Variants in KCNA4 observed in about 807,000 individuals in gnomAD.
KCNA4 encodes cardiac potassium channel.
In KCNA4, 5 loss-of-function variants were observed where a neutral mutation model predicts 37.2. The ratio of observed to expected loss-of-function variants is 0.13; its 90% CI spans 0.07 to 0.28. KCNA4 has a LOEUF of 0.28. Among genes scored for constraint, KCNA4 ranks in the 10% least tolerant of loss-of-function variants. The pLI is 1.00. For missense variants in KCNA4, 634 were observed against 817.4 expected, an observed-to-expected ratio of 0.78 and a Z score of 2.74; for synonymous variants, 350 against 311.8, an observed-to-expected ratio of 1.12 and a Z score of -1.29.
Position 30,011,748 on chromosome 11 carries a change from T to C in KCNA4, c.931A>G (p.Ile311Val). Reference protein sequence around the residue: ...ESSSPARGIAIVSVLVILISI... With the variant: ...ESSSPARGIAVVSVLVILISI... ...ATTAAGATGACCAGGACGGACACAATGGCTATGCCCCTTGCAGGACTGGAG... is the reference window on the plus strand; with the variant it reads ...ATTAAGATGACCAGGACGGACACAACGGCTATGCCCCTTGCAGGACTGGAG... Residue 311 changes from isoleucine (I) to valine (V), a missense_variant, in exon 2 of 2, where the codon ATT becomes GTT. By Grantham distance (29) the Ile-to-Val change is conservative. This residue lies in a region of KCNA4 where 252 missense variants were observed against 344.2 expected (regional missense o/e 0.73). Transcript: ENST00000328224. This position sits in a 1 kb window ranked among gnomAD's most constrained non-coding sequence, Gnocchi z 5.6. 2 of 1,614,016 alleles carry C rather than the reference T, an allele frequency of 1.2e-6. No individual in the cohort carries two copies. The highest frequency in any genetic ancestry group is 1.7e-6 in the Non-Finnish European group (2 of 1,180,016).
Position 30,012,272 on chromosome 11 carries a change from T to G in KCNA4, c.407A>C (p.Glu136Ala), listed in dbSNP as rs781591836. Residue 136 changes from glutamate (E) to alanine (A), a missense_variant, in exon 2 of 2, where the codon GAG (glutamate) becomes GCG (alanine). Around this residue, in one of 8 missense-constraint regions of KCNA4, gnomAD observed 236 missense variants for 229.5 expected, o/e 1.03. Coordinates refer to ENST00000328224, the MANE Select transcript of KCNA4 (RefSeq NM_002233.4). Reference sequence around the variant, plus strand: ...TTCACTATAGTAAAACCTTCCCTCCTCTTCCTCCTCTTCCTCCTCCTCCTC... The same window carrying G: ...TTCACTATAGTAAAACCTTCCCTCCGCTTCCTCCTCTTCCTCCTCCTCCTC... ...EDEEEEEEEE[E>A]EGRFYYSEDD... 1.9e-6 allele frequency: 3 copies of G among 1,613,630 alleles called. No homozygotes were observed. The highest frequency in any genetic ancestry group is 2.5e-6 in the Non-Finnish European group (3 of 1,179,956).
At position 30,012,212 on chromosome 11, in the gene KCNA4, A is replaced by G; in HGVS notation, c.467T>C (p.Leu156Pro). The G allele has an allele frequency of 6.2e-7, 1 of 1,614,172 alleles. No individual in the cohort carries two copies. The highest frequency in any genetic ancestry group is 8.5e-7 in the Non-Finnish European group (1 of 1,180,038). The change falls in exon 2 of 2, where the codon CTG becomes CCG. Residue 156 changes from leucine to proline, a missense_variant. Physicochemically the swap from Leu to Pro is moderately conservative, Grantham distance 98 (BLOSUM62 -3). Around this residue, in one of 8 missense-constraint regions of KCNA4, gnomAD observed 236 missense variants for 229.5 expected, o/e 1.03. Coordinates refer to ENST00000328224, the MANE Select transcript of KCNA4 (RefSeq NM_002233.4). ...DHGDECSYTD[L>P]LPQDEGGGGY... is the part of the protein sequence containing the mutation. ...GCCACCGCCCTCATCCTGAGGCAGCAGATCCGTGTAGGAACACTCATCACC... is the reference window on the plus strand; with the variant it reads ...GCCACCGCCCTCATCCTGAGGCAGCGGATCCGTGTAGGAACACTCATCACC...
chr11:30,012,282 C>T lies in KCNA4; in HGVS notation c.397G>A (p.Glu133Lys). The change falls in exon 2 of 2, where the codon GAG becomes AAG. Residue 133 changes from glutamate to lysine, a missense_variant. Physicochemically the swap from Glu to Lys is moderately conservative, Grantham distance 56. Around this residue, in one of 8 missense-constraint regions of KCNA4, gnomAD observed 236 missense variants for 229.5 expected, o/e 1.03. Coordinates refer to ENST00000328224, the MANE Select transcript of KCNA4 (RefSeq NM_002233.4). ...EEEEDEEEEE[E>K]EEEEGRFYYS... Reference sequence around the variant, plus strand: ...TAAAACCTTCCCTCCTCTTCCTCCTCTTCCTCCTCCTCCTCATCTTCCTCC... The same window carrying T: ...TAAAACCTTCCCTCCTCTTCCTCCTTTTCCTCCTCCTCCTCATCTTCCTCC... 2 of 1,614,062 alleles carry T rather than the reference C, an allele frequency of 1.2e-6. No individual in the cohort carries two copies. Among genetic ancestry groups the T allele is most frequent in the Non-Finnish European group, 1.7e-6 (2 of 1,180,008 alleles).
rs544219047 is a variant in KCNA4, at chr11:30,014,423, C to T, written c.-782-963G>A. Among the ~76,000 whole-genome samples, 35 of 152,272 alleles carry T rather than the reference C, an allele frequency of 2.3e-4. No homozygotes were observed. In the South Asian group the frequency reaches 7.3e-3, roughly 32 times the overall value. On this transcript the variant is annotated intron_variant, in intron 1 of 1. Coordinates refer to ENST00000328224, the MANE Select transcript of KCNA4 (RefSeq NM_002233.4). The stretch of plus-strand genomic sequence containing the variant: ...CCATCTTCTCTCCTTGGCGGTCACT[C>T]CATGTTCACCTCAATGGTTCCTCCT...
rs12276475 is a variant in KCNA4, at chr11:30,011,610, G to A, written c.1069C>T (p.Pro357Ser). ...HGGLLNDTSA[P>S]HLENSGHTIF... ...GTGTGCCCTGAGTTCTCCAGATGGG[G>A]TGCTGAAGTATCATTCAACAACCCA... Residue 357 changes from proline to serine, a missense_variant, in exon 2 of 2, where the codon CCC (proline) becomes TCC (serine). Coordinates refer to ENST00000328224, the MANE Select transcript of KCNA4 (RefSeq NM_002233.4). This position sits in a 1 kb window ranked among gnomAD's most constrained non-coding sequence, Gnocchi z 5.6. 3.1e-6 allele frequency: 5 copies of A among 1,613,942 alleles called. No individual in the cohort carries two copies. Among genetic ancestry groups the A allele is most frequent in the Non-Finnish European group, 8.5e-7 (1 of 1,180,024 alleles).
chr11:30,011,536 C>G lies in KCNA4; in HGVS notation c.1143G>C (p.Trp381Cys). 1 of 1,614,120 alleles carries G rather than the reference C, an allele frequency of 6.2e-7. No homozygotes were observed. Among genetic ancestry groups the G allele is most frequent in the Non-Finnish European group, 8.5e-7 (1 of 1,180,040 alleles). The stretch of plus-strand genomic sequence containing the variant: ...AGCGAACCACAAACTCAAAGGAAAA[C>G]CATACAATACAGACTGTTTCCACGA... ...FFIVETVCIV[W>C]FSFEFVVRCF... is the part of the protein sequence containing the mutation. Residue 381 changes from tryptophan to cysteine, a missense_variant, in exon 2 of 2, where the codon TGG (tryptophan) becomes TGC (cysteine). Trp to Cys is a radical substitution (Grantham distance 215). This residue lies in a region of KCNA4 where 252 missense variants were observed against 344.2 expected (regional missense o/e 0.73). Transcript: ENST00000328224. This position sits in a 1 kb window ranked among gnomAD's most constrained non-coding sequence, Gnocchi z 5.6.
In KCNA4 at chr11:30,012,213, G is replaced by C. The variant is rs980756879; in HGVS notation, c.466C>G (p.Leu156Val). Residue 156 changes from leucine to valine, a missense_variant, in exon 2 of 2, where the codon CTG (leucine) becomes GTG (valine). This residue lies in a region of KCNA4 where 236 missense variants were observed against 229.5 expected (regional missense o/e 1.03). Transcript: ENST00000328224. ...DHGDECSYTD[L>V]LPQDEGGGGY... ...CCACCGCCCTCATCCTGAGGCAGCA[G>C]ATCCGTGTAGGAACACTCATCACCA... 6.2e-6 allele frequency: 10 copies of C among 1,614,008 alleles called. No individual in the cohort carries two copies. In the African/African-American group the frequency reaches 1.3e-4, roughly 22 times the overall value.
chr11:30,012,355 C>G lies in KCNA4; in HGVS notation c.324G>C (p.Leu108=). 2 of 1,614,132 alleles carry G rather than the reference C, an allele frequency of 1.2e-6. No homozygotes were observed. Residue 108 remains leucine (L), a synonymous_variant, in exon 2 of 2, where the codon CTG becomes CTC. Transcript: ENST00000328224. ...RQSSFPHCSD[L]MPSGSEEKIL... ...TCTTCTCCTCAGAGCCACTGGGCAT[C>G]AGGTCAGAGCAATGAGGGAAGCTGC...
chr11:30,012,694 A>G lies in KCNA4; in HGVS notation c.-16T>C, dbSNP rs372578887. 6.6e-7 allele frequency: 1 copy of G among 1,519,920 alleles called. No homozygotes were observed. The highest frequency in any genetic ancestry group is 1.4e-5 in the African/African-American group (1 of 71,634). The allele number at this position is 1,519,920 out of a possible 1,614,324, so 94.2% of individuals were successfully genotyped here. A position where few individuals can be genotyped will look rare whatever the true frequency, so the allele number is the denominator to read the frequency against. On this transcript the variant is annotated 5_prime_UTR_variant, in exon 2 of 2. Coordinates refer to ENST00000328224, the MANE Select transcript of KCNA4 (RefSeq NM_002233.4). ...CAACCTCCATGGTGGTGGTTTTCGG[A>G]AATGGCTGGTTCCAGTTGTAGAAGA...
chr11:30,011,241 G>A lies in KCNA4; in HGVS notation c.1438C>T (p.Leu480Phe). The A allele has an allele frequency of 1.2e-6, 2 of 1,614,134 alleles. No individual in the cohort carries two copies. The highest frequency in any genetic ancestry group is 1.7e-6 in the Non-Finnish European group (2 of 1,180,032). ...TLRASMRELG[L>F]LIFFLFIGVI... The stretch of plus-strand genomic sequence containing the variant: ...CCAATGAAGAGGAAGAAGATCAGAA[G>A]GCCCAGTTCCCGCATGCTGGCTCTG... Residue 480 changes from leucine to phenylalanine, a missense_variant, in exon 2 of 2, where the codon CTT becomes TTT. This residue lies in a region of KCNA4 where 19 missense variants were observed against 56.6 expected (regional missense o/e 0.34). Transcript: ENST00000328224. This position sits in a 1 kb window ranked among gnomAD's most constrained non-coding sequence, Gnocchi z 5.6.
Position 30,012,655 on chromosome 11 carries a change from C to T in KCNA4, c.24G>A (p.Ala8=), listed in dbSNP as rs774836662. 9.0e-6 allele frequency: 14 copies of T among 1,562,884 alleles called. No homozygotes were observed. The highest frequency in any genetic ancestry group is 3.5e-5 in the South Asian group (3 of 85,132). The part of the protein sequence containing the change: MEVAMVS[A]ESSGCNSHMP... ...TGTGACTGTTGCACCCTGAGCTCTC[C>T]GCACTCACCATTGCAACCTCCATGG... Residue 8 remains alanine, a synonymous_variant, in exon 2 of 2, where the codon GCG becomes GCA. Coordinates refer to ENST00000328224, the MANE Select transcript of KCNA4 (RefSeq NM_002233.4).
intron 1 of KCNA4, among the ~76,000 whole-genome samples, chr11:30,014,006 A>T (rs1235356483): frequency 1.3e-5 from 2 of 152,212 alleles, no homozygotes. Context: ...CAGTCACCTC[A>T]TCTATAAAGT....
chr11:30,014,846 T>C (rs1180468429), intron 1 of KCNA4, among the ~76,000 whole-genome samples: 1 of 152,096 alleles, frequency 6.6e-6, no homozygotes, highest in Non-Finnish European at 1.5e-5. Context: ...GAGAGAATGA[T>C]GATAGTCAGA....
Position 30,011,991 on chromosome 11 carries a change from C to T in KCNA4, c.688G>A (p.Ala230Thr). 6.2e-7 allele frequency: 1 copy of T among 1,614,078 alleles called. No individual in the cohort carries two copies. Among genetic ancestry groups the T allele is most frequent in the African/African-American group, 1.3e-5 (1 of 75,004 alleles). Reference sequence around the variant, plus strand: ...CCTGATTGATAATAATACAAGATGGCATCAAAGCTGGGGCGGTTCCTGTCA... The same window carrying T: ...CCTGATTGATAATAATACAAGATGGTATCAAAGCTGGGGCGGTTCCTGTCA... ...FFDRNRPSFDAILYYYQSGGR... is the reference protein window; with the variant it reads ...FFDRNRPSFDTILYYYQSGGR... The change falls in exon 2 of 2, where the codon GCC becomes ACC. Residue 230 changes from alanine to threonine, a missense_variant. Transcript: ENST00000328224. This position sits in a 1 kb window ranked among gnomAD's most constrained non-coding sequence, Gnocchi z 5.6.
chr11:30,016,196 A>G (rs955553832), intron 1 of KCNA4: 3 of 152,154 alleles, frequency 2.0e-5, no homozygotes, highest in African/African-American at 7.2e-5. Context: ...TGTTCCCAAA[A>G]GAAGGGAACC....
At chr11:30,016,233 T>C (rs1850349151) in intron 1 of KCNA4, 1 of 151,856 alleles carries the variant, frequency 6.6e-6, no homozygotes, top group African/African-American at 2.4e-5. Context: ...GGCGAAACGA[T>C]GCTAAATCTT....
Position 30,012,123 on chromosome 11 carries a change from G to A in KCNA4, c.556C>T (p.Arg186Cys), listed in dbSNP as rs376250615. The A allele has an allele frequency of 3.7e-6, 6 of 1,614,152 alleles. No individual in the cohort carries two copies. Among genetic ancestry groups the A allele is most frequent in the East Asian group, 2.2e-5 (1 of 44,864 alleles). ...AGAGTTTTCATTTGGGTCTCAAAGC[G>A]TAGGCCTGACACATTTATCACCACA... is the stretch of plus-strand genomic sequence containing the variant. Reference protein sequence around the residue: ...ERVVINVSGLRFETQMKTLAQ... With the variant: ...ERVVINVSGLCFETQMKTLAQ... Residue 186 changes from arginine (R) to cysteine (C), a missense_variant, in exon 2 of 2, where the codon CGC (arginine) becomes TGC (cysteine). Physicochemically the swap from Arg to Cys is radical, Grantham distance 180. Around this residue, in one of 8 missense-constraint regions of KCNA4, gnomAD observed 252 missense variants for 344.2 expected, o/e 0.73. Transcript: ENST00000328224.
Position 30,010,640 on chromosome 11 carries a change from A to G in KCNA4, c.*77T>C. On this transcript the variant is annotated 3_prime_UTR_variant, in exon 2 of 2. Transcript: ENST00000328224. The stretch of plus-strand genomic sequence containing the variant: ...ATGCATTGGATCATTTGCATATTTC[A>G]TTTTCATAACTGCACTCTCTATGCA... 6.6e-7 allele frequency: 1 copy of G among 1,525,158 alleles called. No individual in the cohort carries two copies. Among genetic ancestry groups the G allele is most frequent in the Non-Finnish European group, 8.8e-7 (1 of 1,139,436 alleles). 94.5% of individuals were successfully genotyped at this position (1,525,158 alleles called of 1,614,324 possible).
chr11:30,014,594 C>A lies in KCNA4; in HGVS notation c.-782-1134G>T, dbSNP rs141155519. Among the ~76,000 whole-genome samples the A allele has an allele frequency of 5.7e-4, 86 of 152,040 alleles. No homozygotes were observed. The East Asian group carries it at 0.015, about 27-fold the overall frequency. ...CTCTCTCTTTCTCTCTCTCTGCCCA[C>A]TTTTATTTACAATCTCACACTTCTG... On this transcript the variant is annotated intron_variant, in intron 1 of 1. Transcript: ENST00000328224.
Sources: allele counts gnomAD v4.1 joint callset (sites outside exome capture counted in the v4.1 genomes callset), GRCh38; gene constraint gnomAD v4.1.1; regional missense constraint gnomAD v4.1.1; non-coding constraint Gnocchi (gnomAD v3.1); transcripts MANE v1.5; gene names NCBI Gene and HGNC (gene_info 2026-07-23, HGNC 2026-07-21).